Variants in GTF2F2 observed in about 807,000 individuals in gnomAD.
GTF2F2 encodes ATP-dependent helicase GTF2F2.
In GTF2F2, 23 loss-of-function variants were observed where a neutral mutation model predicts 42.2. That is an observed-to-expected ratio of 0.55 (90% CI 0.39 to 0.77). The LOEUF (loss-of-function observed/expected upper bound fraction) is 0.77. Ranked by LOEUF, GTF2F2 falls within the 30% of genes least tolerant of loss-of-function variation. GTF2F2 has a pLI of 0.00. For synonymous variants in GTF2F2, 105 were observed against 100.8 expected (o/e 1.04, Z -0.25); for missense variants, 261 against 287.2 (o/e 0.91, Z 0.66).
At chr13:45,204,932 T>C (rs1418216729) in intron 4 of GTF2F2, among the ~76,000 whole-genome samples, 1 of 152,122 alleles carries the variant, frequency 6.6e-6, no homozygotes, top group East Asian at 1.9e-4. Context: ...GACTGAAGAA[T>C]AGTGAGGAGA....
intron 6 of GTF2F2, among the ~76,000 whole-genome samples, chr13:45,262,674 C>T (rs1876393560): frequency 6.6e-6 from 1 of 152,188 alleles, no homozygotes; most frequent in African/African-American, 2.4e-5. Flanking sequence ...CCACCCCAGC[C>T]TCCCAAAGTG....
intron 1 of GTF2F2, among the ~76,000 whole-genome samples, chr13:45,121,832 C>T (rs1419278962): frequency 6.6e-6 from 1 of 152,208 alleles, no homozygotes; most frequent in Non-Finnish European, 1.5e-5. Flanking sequence ...TTTCCAAACT[C>T]AGTGTGACTT....
At chr13:45,245,889 C>A (rs1266989240) in intron 5 of GTF2F2, among the ~76,000 whole-genome samples, 1 of 142,462 alleles carries the variant, frequency 7.0e-6, no homozygotes, top group Non-Finnish European at 1.5e-5. Flanking sequence ...TGCAGTGAGC[C>A]CAGACTGCGC....
chr13:45,187,953 G>A (rs1355115504), intron 4 of GTF2F2, among the ~76,000 whole-genome samples: 2 of 152,136 alleles, frequency 1.3e-5, no homozygotes, highest in Non-Finnish European at 2.9e-5. Flanking sequence ...CTGTTGCCCA[G>A]GCTGGAGTGC....
intron 5 of GTF2F2, among the ~76,000 whole-genome samples, chr13:45,251,372 C>T (rs1339702121): frequency 3.3e-5 from 5 of 152,012 alleles, no homozygotes; most frequent in Non-Finnish European, 7.4e-5. Flanking sequence ...TAAAATAATA[C>T]ATAATGTTAA....
chr13:45,140,240 C>T (rs1869854107), intron 2 of GTF2F2, among the ~76,000 whole-genome samples: 1 of 152,042 alleles, frequency 6.6e-6, no homozygotes, highest in Admixed American at 6.6e-5. Context: ...GCATGAACCA[C>T]CATGCCCAGC....
intron 5 of GTF2F2, among the ~76,000 whole-genome samples, chr13:45,239,857 C>G (rs988163270): frequency 6.6e-6 from 1 of 152,070 alleles, no homozygotes; most frequent in Admixed American, 6.6e-5. Flanking sequence ...AATTATGATA[C>G]AGGTGATGAA....
At chr13:45,231,676 C>T (rs1027040775) in intron 5 of GTF2F2, among the ~76,000 whole-genome samples, 1 of 152,046 alleles carries the variant, frequency 6.6e-6, no homozygotes, top group African/African-American at 2.4e-5. Context: ...CTCTTTCTCT[C>T]ATTTTTTTTT....
At chr13:45,183,115 CAT>C (rs1434035951) in intron 4 of GTF2F2, among the ~76,000 whole-genome samples, 2 of 152,098 alleles carry the variant, frequency 1.3e-5, no homozygotes, top group Non-Finnish European at 1.5e-5. Context: ...GGCATTATCA[CAT>C]AGTGGTTAAG....
chr13:45,279,779 C>G (rs1877184552), intron 7 of GTF2F2, among the ~76,000 whole-genome samples: 1 of 152,146 alleles, frequency 6.6e-6, no homozygotes. Context: ...GTGTCACATG[C>G]CTGTAATCCC....
At chr13:45,246,460 A>G (rs968502398) in intron 5 of GTF2F2, among the ~76,000 whole-genome samples, 1 of 152,024 alleles carries the variant, frequency 6.6e-6, no homozygotes, top group Admixed American at 6.6e-5. Context: ...TATTTCCTAA[A>G]TTTGTTTAAC....
chr13:45,139,619 C>G (rs1173528897), intron 2 of GTF2F2, among the ~76,000 whole-genome samples: 1 of 152,166 alleles, frequency 6.6e-6, no homozygotes, highest in Non-Finnish European at 1.5e-5. Context: ...CTCCCTTACC[C>G]TCTTATTATT....
chr13:45,157,177 C>T (rs147597307), intron 4 of GTF2F2, among the ~76,000 whole-genome samples: 1 of 152,098 alleles, frequency 6.6e-6, no homozygotes, highest in Non-Finnish European at 1.5e-5. Flanking sequence ...AGACAGAGAA[C>T]AGTAATGACT....
intron 4 of GTF2F2, 79 bp downstream of exon 4, chr13:45,151,910 G>GTTTT: frequency 3.5e-6 from 1 of 286,172 alleles, no homozygotes; most frequent in Non-Finnish European, 5.9e-6. Flanking sequence ...ACTCCTATTT[G>GTTTT]CTTTTTTTTT....
chr13:45,248,123 G>A (rs1327766905), intron 5 of GTF2F2, among the ~76,000 whole-genome samples: 2 of 152,088 alleles, frequency 1.3e-5, no homozygotes, highest in East Asian at 1.9e-4. Flanking sequence ...GATTACAGGC[G>A]TGAGCCACCG....
At chr13:45,182,001 C>G (rs1185231697) in intron 4 of GTF2F2, among the ~76,000 whole-genome samples, 1 of 152,114 alleles carries the variant, frequency 6.6e-6, no homozygotes, top group Non-Finnish European at 1.5e-5. Flanking sequence ...GGCCGCCCTG[C>G]TGGCTGAAGC....
intron 2 of GTF2F2, among the ~76,000 whole-genome samples, chr13:45,140,427 G>C (rs993487957): frequency 2.6e-5 from 4 of 152,138 alleles, no homozygotes; most frequent in Non-Finnish European, 5.9e-5. Flanking sequence ...GCATGTCCTA[G>C]TTCTAACTCA....
At chr13:45,161,338 G>A (rs1391916886) in intron 4 of GTF2F2, among the ~76,000 whole-genome samples, 1 of 152,162 alleles carries the variant, frequency 6.6e-6, no homozygotes, top group East Asian at 1.9e-4. Context: ...GACCCCTGGG[G>A]ATTTATAGAC....
intron 4 of GTF2F2, among the ~76,000 whole-genome samples, chr13:45,183,622 C>T (rs1184315487): frequency 6.6e-6 from 1 of 152,066 alleles, no homozygotes; most frequent in African/African-American, 2.4e-5. Context: ...GTAGTTGCTA[C>T]CCTTAATTAG....
Sources: gnomAD v4.1 joint callset for allele counts (sites outside exome capture counted in the v4.1 genomes callset) on GRCh38, gnomAD v4.1.1 for gene constraint, MANE v1.5 for transcripts, NCBI Gene and HGNC (gene_info 2026-07-23, HGNC 2026-07-21) for gene names.